Variants in KCNC2 observed in about 807,000 individuals in gnomAD.
KCNC2 encodes potassium voltage-gated channel subfamily C member 2, also known as voltage-gated potassium channel KCNC2.
A neutral mutation model predicts 44.5 loss-of-function variants in KCNC2; 21 were observed. That is an observed-to-expected ratio of 0.47 (90% CI 0.33 to 0.68). KCNC2 has a LOEUF of 0.68. Among genes scored for constraint, KCNC2 ranks in the 30% least tolerant of loss-of-function variants. The pLI is 0.01. For synonymous variants in KCNC2, 391 were observed against 339.1 expected (o/e 1.15, Z -1.68); for missense variants, 589 against 826.2 (o/e 0.71, Z 3.52).
chr12:75,147,582 T>C (rs1011191450), intron 2 of KCNC2, among the ~76,000 whole-genome samples: 1 of 152,178 alleles, frequency 6.6e-6, no homozygotes, highest in Non-Finnish European at 1.5e-5. Flanking sequence ...TTTACATAAT[T>C]AAATTTGGAC....
At chr12:75,127,649 A>T (rs1240642649) in intron 2 of KCNC2, among the ~76,000 whole-genome samples, 1 of 152,158 alleles carries the variant, frequency 6.6e-6, no homozygotes, top group African/African-American at 2.4e-5. Flanking sequence ...TTCTTTCTCT[A>T]AAATGAGGAG....
intron 2 of KCNC2, among the ~76,000 whole-genome samples, chr12:75,112,378 CAGA>C (rs1182599836): frequency 7.2e-5 from 11 of 151,960 alleles, no homozygotes; most frequent in African/African-American, 2.7e-4. Context: ...TTCTAAGAAG[CAGA>C]AGAAATTTTA....
intron 2 of KCNC2, among the ~76,000 whole-genome samples, chr12:75,128,894 T>C (rs1888633259): frequency 6.6e-6 from 1 of 152,228 alleles, no homozygotes; most frequent in Non-Finnish European, 1.5e-5. Context: ...AATGGCTTCA[T>C]GCTTCTCAGC....
chr12:75,064,602 T>C (rs547223223), intron 2 of KCNC2, among the ~76,000 whole-genome samples: 18 of 152,154 alleles, frequency 1.2e-4, no homozygotes, highest in Non-Finnish European at 1.3e-4. Flanking sequence ...GGTATTGTTA[T>C]TAGAAGACAA....
At position 75,198,891 on chromosome 12, in the gene KCNC2, T is replaced by G. The variant is rs115608944; in HGVS notation, c.687+8406A>C. Among the ~76,000 whole-genome samples the G allele has an allele frequency of 4.0e-3, 602 of 151,906 alleles. 4 individuals are homozygous for G. Among genetic ancestry groups the G allele is most frequent in the African/African-American group, 0.014 (587 of 41,544 alleles). On this transcript the variant is annotated intron_variant, in intron 2 of 4. Transcript: ENST00000549446. ...AATTTATATTGGTCCAAATAGTTTT[T>G]GCTTAAACATAATTTATAAACATGT...
intron 2 of KCNC2, among the ~76,000 whole-genome samples, chr12:75,069,480 CAT>C (rs1340020829): frequency 3.9e-5 from 6 of 152,070 alleles, no homozygotes. Flanking sequence ...TCATCTCAAA[CAT>C]AGCATGCTGC....
chr12:75,076,510 G>T (rs573682973), intron 2 of KCNC2, among the ~76,000 whole-genome samples: 2 of 152,212 alleles, frequency 1.3e-5, no homozygotes, highest in East Asian at 3.9e-4. Flanking sequence ...CTGACCTCGT[G>T]ATCCGCCCGC....
chr12:75,113,660 T>C (rs1887424157), intron 2 of KCNC2, among the ~76,000 whole-genome samples: 1 of 152,134 alleles, frequency 6.6e-6, no homozygotes, highest in Non-Finnish European at 1.5e-5. Flanking sequence ...TAAGAACACA[T>C]GGGCTGCCCA....
At chr12:75,053,154 T>G (rs1044308387) in intron 2 of KCNC2, among the ~76,000 whole-genome samples, 10 of 152,278 alleles carry the variant, frequency 6.6e-5, no homozygotes, top group Middle Eastern at 3.4e-3. Context: ...ATTCATAAAT[T>G]ACTTCTTAAT....
intron 2 of KCNC2, among the ~76,000 whole-genome samples, chr12:75,201,055 C>A (rs1485224889): frequency 6.6e-6 from 1 of 151,190 alleles, no homozygotes; most frequent in East Asian, 1.9e-4. Context: ...GAATCTTAGA[C>A]CTAAGAAATG....
intron 2 of KCNC2, among the ~76,000 whole-genome samples, chr12:75,145,335 G>A (rs533345519): frequency 3.9e-5 from 6 of 152,030 alleles, no homozygotes; most frequent in African/African-American, 1.4e-4. Context: ...TAAAATGCCT[G>A]GGCCAAATGA....
At chr12:75,094,723 G>C (rs1243985495) in intron 2 of KCNC2, among the ~76,000 whole-genome samples, 1 of 151,632 alleles carries the variant, frequency 6.6e-6, no homozygotes, top group African/African-American at 2.4e-5. Flanking sequence ...AATTGAATCA[G>C]AGCTGATAAG....
chr12:75,175,657 A>G (rs1015503955), intron 2 of KCNC2, among the ~76,000 whole-genome samples: 1 of 152,056 alleles, frequency 6.6e-6, no homozygotes, highest in African/African-American at 2.4e-5. Flanking sequence ...AGTTTGAAAC[A>G]GTAGTCTCTG....
At chr12:75,047,496 T>C (rs1160350521) in intron 4 of KCNC2, among the ~76,000 whole-genome samples, 1 of 152,078 alleles carries the variant, frequency 6.6e-6, no homozygotes, top group Non-Finnish European at 1.5e-5. Context: ...GAACAGTTCA[T>C]GTCTGTTGAA....
chr12:75,058,178 A>G (rs1207897237), intron 2 of KCNC2, among the ~76,000 whole-genome samples: 1 of 151,916 alleles, frequency 6.6e-6, no homozygotes, highest in Non-Finnish European at 1.5e-5. Flanking sequence ...TATTTTATAA[A>G]AATGTTTTTT....
At chr12:75,143,720 C>G (rs572697066) in intron 2 of KCNC2, among the ~76,000 whole-genome samples, 1 of 152,260 alleles carries the variant, frequency 6.6e-6, no homozygotes, top group Admixed American at 6.5e-5. Context: ...TTCTCCCTTT[C>G]TAGAACTGTA....
intron 2 of KCNC2, among the ~76,000 whole-genome samples, chr12:75,080,188 T>C (rs1444032270): frequency 6.6e-6 from 1 of 152,166 alleles, no homozygotes; most frequent in Non-Finnish European, 1.5e-5. Flanking sequence ...ACTAAGAATT[T>C]CATTGGAAAT....
rs61089425 is a variant in KCNC2 at position 75,181,916 on chromosome 12, C to CTTTTTTTTTTTTTTTTTTTTTTTTTTTT, written c.687+25353_687+25380dup. ...AAACATTATTACTATTAATATCTTCCTTTTTTTTTTTTTTTTTTTTTTTTT... is the reference window on the plus strand; with the variant it reads ...AAACATTATTACTATTAATATCTTCCTTTTTTTTTTTTTTTTTTTTTTTTTTTTTTTTTTTTTTTTTTTTTTTTTTTTT... On this transcript the variant is annotated intron_variant, in intron 2 of 4. Coordinates refer to ENST00000549446, the MANE Select transcript of KCNC2 (RefSeq NM_139137.4). Among the ~76,000 whole-genome samples, 11 of 47,876 alleles carry CTTTTTTTTTTTTTTTTTTTTTTTTTTTT rather than the reference C, an allele frequency of 2.3e-4. 4 individuals carry two copies. Among genetic ancestry groups the CTTTTTTTTTTTTTTTTTTTTTTTTTTTT allele is most frequent in the Admixed American group, 3.8e-4 (1 of 2,622 alleles). 31.4% of individuals were successfully genotyped at this position (47,876 alleles called of 152,430 possible). A position where few individuals can be genotyped will look rare whatever the true frequency, so the allele number is the denominator to read the frequency against.
At chr12:75,118,298 A>G (rs1887819898) in intron 2 of KCNC2, among the ~76,000 whole-genome samples, 1 of 152,188 alleles carries the variant, frequency 6.6e-6, no homozygotes, top group African/African-American at 2.4e-5. Context: ...TACATGCACG[A>G]TACTACAGAA....
Sources: gnomAD v4.1 joint callset for allele counts (sites outside exome capture counted in the v4.1 genomes callset) on GRCh38, gnomAD v4.1.1 for gene constraint, MANE v1.5 for transcripts, NCBI Gene and HGNC (gene_info 2026-07-23, HGNC 2026-07-21) for gene names.